GRIK2: variants seen among roughly 807,000 people sequenced by gnomAD.
The protein encoded by GRIK2 is glutamate ionotropic receptor kainate type subunit 2.
GRIK2 carries 32 observed loss-of-function variants against 100.3 expected under a neutral mutation model. That is an observed-to-expected ratio of 0.32 (90% CI 0.24 to 0.43). The LOEUF (loss-of-function observed/expected upper bound fraction) is 0.43. Ranked by LOEUF, GRIK2 falls within the 20% of genes least tolerant of loss-of-function variation. GRIK2 has a pLI of 1.00. For missense variants in GRIK2, 843 were observed against 1,114.9 expected, an observed-to-expected ratio of 0.76 and a Z score of 3.47; for synonymous variants, 417 against 389.4, an observed-to-expected ratio of 1.07 and a Z score of -0.83.
chr6:101,730,882 G>A (rs1775219810), intron 7 of GRIK2, among the ~76,000 whole-genome samples: 1 of 151,922 alleles, frequency 6.6e-6, no homozygotes, highest in African/African-American at 2.4e-5. Flanking sequence ...TTTAAAAAGA[G>A]TGAAGAGAGA....
chr6:101,896,969 A>G (rs761329935), intron 12 of GRIK2, among the ~76,000 whole-genome samples: 1 of 150,438 alleles, frequency 6.6e-6, no homozygotes, highest in Non-Finnish European at 1.5e-5. Context: ...TTCTTAATCA[A>G]TTCTTTATGG....
rs1468133720 is a variant in GRIK2 at position 101,990,151 on chromosome 6, T to C, written c.2086-45190T>C. Among the ~76,000 whole-genome samples the C allele has an allele frequency of 2.6e-5, 4 of 151,706 alleles. No individual in the cohort carries two copies. The East Asian group carries it at 7.8e-4, about 30-fold the overall frequency. The stretch of plus-strand genomic sequence containing the variant: ...CTTATTGGGAGGAAAGATTTATTGC[T>C]GCCACCCTAATAGTACAGTGAGTCT... On this transcript the variant is annotated intron_variant, in intron 14 of 16. Transcript: ENST00000369134.
intron 7 of GRIK2, among the ~76,000 whole-genome samples, chr6:101,727,954 A>G (rs957431061): frequency 6.6e-6 from 1 of 152,206 alleles, no homozygotes. Flanking sequence ...AATTATTTTT[A>G]TTAATTAAAT....
At chr6:101,439,849 A>G (rs991625295) in intron 2 of GRIK2, among the ~76,000 whole-genome samples, 2 of 152,098 alleles carry the variant, frequency 1.3e-5, no homozygotes, top group Non-Finnish European at 2.9e-5. Context: ...TTGAACTTAA[A>G]TGCAATTTAT....
chr6:101,954,458 C>T (rs1472797680), intron 14 of GRIK2, among the ~76,000 whole-genome samples: 2 of 151,886 alleles, frequency 1.3e-5, no homozygotes, highest in African/African-American at 4.8e-5. Context: ...GTATTGTATT[C>T]TCTTCAATAC....
chr6:101,659,861 C>T (rs527635413), intron 4 of GRIK2, among the ~76,000 whole-genome samples: 1 of 152,260 alleles, frequency 6.6e-6, no homozygotes, highest in Non-Finnish European at 1.5e-5. Flanking sequence ...ATGGGCTTTC[C>T]TTTGTGGGTA....
At chr6:101,875,333 G>A (rs947708886) in intron 11 of GRIK2, among the ~76,000 whole-genome samples, 3 of 151,730 alleles carry the variant, frequency 2.0e-5, no homozygotes, top group South Asian at 4.1e-4. Flanking sequence ...TTATCTTGGG[G>A]GTATTTCTTT....
intron 2 of GRIK2, among the ~76,000 whole-genome samples, chr6:101,499,130 A>T (rs1268247757): frequency 1.3e-5 from 2 of 152,170 alleles, no homozygotes; most frequent in Admixed American, 6.6e-5. Context: ...TTAATTCAAG[A>T]TGGATTAAAG....
chr6:101,646,815 G>T (rs1781545421), intron 4 of GRIK2, among the ~76,000 whole-genome samples: 1 of 151,688 alleles, frequency 6.6e-6, no homozygotes, highest in Non-Finnish European at 1.5e-5. Flanking sequence ...CCCTCAAACA[G>T]GAATAGATGG....
At chr6:101,907,846 G>A (rs180674069) in intron 12 of GRIK2, among the ~76,000 whole-genome samples, 1 of 151,614 alleles carries the variant, frequency 6.6e-6, no homozygotes. Flanking sequence ...CTACATTTTA[G>A]TTTTTCACTT....
chr6:101,987,762 T>G (rs192163253), intron 14 of GRIK2, among the ~76,000 whole-genome samples: 1 of 151,476 alleles, frequency 6.6e-6, no homozygotes. Flanking sequence ...TTTGTAACAT[T>G]TGTAATATGT....
chr6:101,783,694 G>C (rs1779247994), intron 7 of GRIK2, among the ~76,000 whole-genome samples: 1 of 152,158 alleles, frequency 6.6e-6, no homozygotes, highest in Non-Finnish European at 1.5e-5. Context: ...ATAGTGATGT[G>C]GACAATGAAG....
rs559404632 is a variant in GRIK2, at chr6:101,771,394, C to G, written c.952-28254C>G. ...TATCCTTTTAGACAAATTTCTGGAACCTTCATTTAAATGAACACAGATGTA... is the reference window on the plus strand; with the variant it reads ...TATCCTTTTAGACAAATTTCTGGAAGCTTCATTTAAATGAACACAGATGTA... On this transcript the variant is annotated intron_variant, in intron 7 of 16. Transcript: ENST00000369134. Among the ~76,000 whole-genome samples, 16 of 151,972 alleles carry G rather than the reference C, an allele frequency of 1.1e-4. No homozygotes were observed. In the South Asian group the frequency reaches 2.9e-3, roughly 28 times the overall value.
intron 16 of GRIK2, among the ~76,000 whole-genome samples, chr6:102,058,432 G>A (rs1468621415): frequency 1.2e-4 from 17 of 146,026 alleles, no homozygotes; most frequent in Admixed American, 1.1e-3. Context: ...TTTAAGAAAA[G>A]TATCATAAAG....
intron 10 of GRIK2, among the ~76,000 whole-genome samples, chr6:101,844,179 T>A (rs1020326264): frequency 3.3e-5 from 5 of 152,136 alleles, no homozygotes; most frequent in Non-Finnish European, 7.4e-5. Flanking sequence ...AAAAATGTAA[T>A]AAAATATTTG....
intron 2 of GRIK2, among the ~76,000 whole-genome samples, chr6:101,412,873 T>G (rs1775948251): frequency 6.6e-6 from 1 of 152,016 alleles, no homozygotes; most frequent in Admixed American, 6.6e-5. Flanking sequence ...ATGTAGAATG[T>G]GAAAAAAAAT....
intron 14 of GRIK2, among the ~76,000 whole-genome samples, chr6:101,981,306 A>C (rs773270788): frequency 3.3e-5 from 5 of 151,942 alleles, no homozygotes; most frequent in Non-Finnish European, 7.4e-5. Flanking sequence ...ATTGATCTAA[A>C]TGAAATCATG....
intron 2 of GRIK2, among the ~76,000 whole-genome samples, chr6:101,473,705 GC>G (rs1772073317): frequency 6.6e-6 from 1 of 151,584 alleles, no homozygotes; most frequent in Non-Finnish European, 1.5e-5. Flanking sequence ...GACTGTTTTT[GC>G]CCATATTTTC....
chr6:101,866,401 G>A (rs913598514), intron 11 of GRIK2, among the ~76,000 whole-genome samples: 2 of 152,088 alleles, frequency 1.3e-5, no homozygotes, highest in East Asian at 1.9e-4. Context: ...CACATTGCAT[G>A]CCTGTAGTAA....
Sources: gnomAD v4.1 joint callset for allele counts (sites outside exome capture counted in the v4.1 genomes callset) on GRCh38, gnomAD v4.1.1 for gene constraint, MANE v1.5 for transcripts, NCBI Gene and HGNC (gene_info 2026-07-23, HGNC 2026-07-21) for gene names.